The following PDE3B variants were observed in gnomAD, a reference collection of about 807,000 sequenced individuals.
The protein encoded by PDE3B is phosphodiesterase 3B, also known as cGMP-inhibited 3',5'-cyclic phosphodiesterase 3B.
PDE3B carries 66 observed loss-of-function variants against 116.8 expected under a neutral mutation model. The ratio of observed to expected loss-of-function variants is 0.56; its 90% CI spans 0.46 to 0.69. The LOEUF is 0.69. Ranked by LOEUF, PDE3B falls within the 30% of genes least tolerant of loss-of-function variation. PDE3B has a pLI of 0.00. For synonymous variants in PDE3B, 595 were observed against 533.6 expected, an observed-to-expected ratio of 1.12 and a Z score of -1.59; for missense variants, 1,384 against 1,368.1, an observed-to-expected ratio of 1.01 and a Z score of -0.18.
intron 2 of PDE3B, among the ~76,000 whole-genome samples, chr11:14,781,006 C>A (rs1857978886): frequency 6.6e-6 from 1 of 152,176 alleles, no homozygotes; most frequent in Non-Finnish European, 1.5e-5. Flanking sequence ...TACAGAGATA[C>A]AAACTACCAT....
the PDE3B span, among the ~76,000 whole-genome samples, chr11:14,883,329 AAC>A: frequency 6.6e-6 from 1 of 152,154 alleles, no homozygotes; most frequent in Non-Finnish European, 1.5e-5. Flanking sequence ...CTGGTACCAA[AAC>A]AGAGATATAG....
rs760056319 is a variant in PDE3B, at chr11:14,832,831, C to T, written c.2204C>T (p.Pro735Leu). The T allele has an allele frequency of 1.6e-6, 2 of 1,259,276 alleles. No homozygotes were observed. Among genetic ancestry groups the T allele is most frequent in the Non-Finnish European group, 2.3e-6 (2 of 875,834 alleles). 78.0% of individuals were successfully genotyped at this position (1,259,276 alleles called of 1,614,324 possible). A position where few individuals can be genotyped will look rare whatever the true frequency, so the allele number is the denominator to read the frequency against. ...TTAGAAAATGGCTATCGAGACATTC[C>T]TTGTAAGTATTAACATATTTTATTA... ...RALENGYRDIPYHNRIHATDV... is the reference protein window; with the variant it reads ...RALENGYRDILYHNRIHATDV... The change falls in exon 10 of 16, where the codon CCT (proline) becomes CTT (leucine). Residue 735 changes from proline (P) to leucine (L), a missense_variant and splice_region_variant. By Grantham distance (98) the Pro-to-Leu change is moderately conservative. This residue lies in a region of PDE3B where 428 missense variants were observed against 561.4 expected (regional missense o/e 0.76). Transcript: ENST00000282096.
chr11:14,834,942 G>C lies in PDE3B; in HGVS notation c.2207-40G>C, dbSNP rs181314781. On this transcript the variant is annotated intron_variant, in intron 10 of 15. Coordinates refer to ENST00000282096, the MANE Select transcript of PDE3B (RefSeq NM_000922.4). ...GAAATTATTGTACTTTTTAAATGTT[G>C]TGTGTTAAACCTAACAGAAAAACGT... is the stretch of plus-strand genomic sequence containing the variant. 20 of 1,049,240 alleles carry C rather than the reference G, an allele frequency of 1.9e-5. No homozygotes were observed. The African/African-American group carries it at 2.4e-4, about 12-fold the overall frequency. 65.0% of individuals were successfully genotyped at this position (1,049,240 alleles called of 1,614,324 possible). A position where few individuals can be genotyped will look rare whatever the true frequency, so the allele number is the denominator to read the frequency against.
intron 1 of PDE3B, among the ~76,000 whole-genome samples, chr11:14,729,111 G>T (rs1398703816): frequency 6.6e-6 from 1 of 152,104 alleles, no homozygotes; most frequent in African/African-American, 2.4e-5. Context: ...AGTAAATTGG[G>T]CAAGATCAAA....
intron 4 of PDE3B, among the ~76,000 whole-genome samples, chr11:14,799,272 T>C: frequency 6.6e-6 from 1 of 152,212 alleles, no homozygotes; most frequent in Non-Finnish European, 1.5e-5. Flanking sequence ...TGAGTTCTAA[T>C]TTGATTGCAC....
intron 2 of PDE3B, among the ~76,000 whole-genome samples, chr11:14,781,827 G>A (rs1271620292): frequency 2.6e-5 from 4 of 152,158 alleles, no homozygotes; most frequent in African/African-American, 9.7e-5. Flanking sequence ...TCAGGCAGGA[G>A]AAAGAAATAA....
the PDE3B span, chr11:14,890,999 T>G: frequency 1.0e-6 from 1 of 985,454 alleles, no homozygotes; most frequent in Non-Finnish European, 1.2e-6. Flanking sequence ...CTCCCACTCA[T>G]CTGCCAACTC....
chr11:14,896,982 T>C, the PDE3B span, among the ~76,000 whole-genome samples: 2 of 152,130 alleles, frequency 1.3e-5, no homozygotes, highest in African/African-American at 4.8e-5. Flanking sequence ...AAACAATAAT[T>C]ATCAAATATA....
intron 1 of PDE3B, among the ~76,000 whole-genome samples, chr11:14,734,612 TTGAA>T (rs1373141557): frequency 1.3e-5 from 2 of 152,218 alleles, no homozygotes; most frequent in Admixed American, 1.3e-4. Flanking sequence ...AGTATATTAA[TTGAA>T]TGCTCAATAT....
intron 11 of PDE3B, among the ~76,000 whole-genome samples, chr11:14,835,967 T>G (rs1860040325): frequency 6.6e-6 from 1 of 152,186 alleles, no homozygotes; most frequent in Non-Finnish European, 1.5e-5. Flanking sequence ...TACCAATACT[T>G]GAGAAATAAC....
At chr11:14,775,405 A>C (rs1047069565) in intron 2 of PDE3B, 7 of 152,214 alleles carry the variant, frequency 4.6e-5, no homozygotes, top group African/African-American at 1.7e-4. Context: ...ATTGTAAACA[A>C]ATATAAATAT....
chr11:14,849,816 A>G (rs996255672), intron 12 of PDE3B, among the ~76,000 whole-genome samples: 5 of 152,106 alleles, frequency 3.3e-5, no homozygotes, highest in South Asian at 2.1e-4. Context: ...TAGAATGGCA[A>G]TCATTAAAAA....
At chr11:14,806,858 C>CAAAAAAAAAAAA (rs953411145) in intron 5 of PDE3B, among the ~76,000 whole-genome samples, 1 of 45,924 alleles carries the variant, frequency 2.2e-5, no homozygotes, top group Non-Finnish European at 4.0e-5. Context: ...GACTCCGTCT[C>CAAAAAAAAAAAA]AAAAAAAAAA....
At position 14,859,111 on chromosome 11, in the gene PDE3B, T is replaced by TTC; in HGVS notation, c.2592_2593dup (p.Arg865LeufsTer22). Reference sequence around the variant, plus strand: ...CTGCGTCAGCTTGGAATCTATATCTTTCTCGCCCAGAATACAACTTCCTTC... The same window carrying TTC: ...CTGCGTCAGCTTGGAATCTATATCTTTCTCTCGCCCAGAATACAACTTCCTTC... On this transcript the variant is annotated frameshift_variant, in exon 13 of 16. Transcript: ENST00000282096. LOFTEE classifies it high-confidence loss of function. 6.2e-7 allele frequency: 1 copy of TTC among 1,613,780 alleles called. No homozygotes were observed. The highest frequency in any genetic ancestry group is 1.3e-5 in the African/African-American group (1 of 75,046).
chr11:14,665,275 A>G (rs1193856518), intron 1 of PDE3B, among the ~76,000 whole-genome samples: 3 of 152,222 alleles, frequency 2.0e-5, no homozygotes, highest in African/African-American at 4.8e-5. Flanking sequence ...TCTCAAAATA[A>G]TAAGAGCTAT....
intron 4 of PDE3B, among the ~76,000 whole-genome samples, chr11:14,795,089 T>A (rs1378232455): frequency 6.6e-6 from 1 of 152,178 alleles, no homozygotes; most frequent in East Asian, 1.9e-4. Flanking sequence ...ATAGGCATGA[T>A]TGAGTAAATC....
intron 11 of PDE3B, among the ~76,000 whole-genome samples, chr11:14,840,013 A>G (rs916421130): frequency 1.3e-5 from 2 of 152,190 alleles, no homozygotes; most frequent in African/African-American, 4.8e-5. Context: ...TGGATTCTGA[A>G]GGCAAATTCA....
At chr11:14,878,019 T>C in the PDE3B span, 3 of 1,282,022 alleles carry the variant, frequency 2.3e-6, no homozygotes, top group East Asian at 4.6e-5. Flanking sequence ...TTTGGCTTTT[T>C]GATGCTGTGA....
At chr11:14,795,577 G>A (rs1383207725) in intron 4 of PDE3B, among the ~76,000 whole-genome samples, 1 of 152,164 alleles carries the variant, frequency 6.6e-6, no homozygotes, top group Non-Finnish European at 1.5e-5. Context: ...CTAAATGAAT[G>A]TATGATATAC....
Sources: gnomAD v4.1 joint callset for allele counts (sites outside exome capture counted in the v4.1 genomes callset) on GRCh38, gnomAD v4.1.1 for gene constraint, gnomAD v4.1.1 regional missense constraint, MANE v1.5 for transcripts, NCBI Gene and HGNC (gene_info 2026-07-23, HGNC 2026-07-21) for gene names.